The following RNF144A variants were observed in gnomAD, a reference collection of about 807,000 sequenced individuals.
RNF144A encodes ring finger protein 144A.
Under a neutral mutation model 38.7 loss-of-function variants are expected in RNF144A, and 11 were observed. That is an observed-to-expected ratio of 0.28 (90% CI 0.18 to 0.47). The LOEUF (loss-of-function observed/expected upper bound fraction) is 0.47, where lower values mean the gene tolerates loss of function less well. Among genes scored for constraint, RNF144A ranks in the 20% least tolerant of loss-of-function variants. The probability of loss-of-function intolerance (pLI) is 0.99; values close to 1 mark genes in which losing one functional copy is unlikely to be tolerated. For missense variants in RNF144A, 316 were observed against 377.2 expected (o/e 0.84, Z 1.34); for synonymous variants, 149 against 143.9 (o/e 1.04, Z -0.25).
chr2:7,030,386 G>T (rs34349013), intron 8 of RNF144A, among the ~76,000 whole-genome samples, 171 bp downstream of exon 8: 19,449 of 151,820 alleles, frequency 0.13, 1,989 homozygotes, highest in East Asian at 0.55. Context: ...TGTGCTTCCT[G>T]CTGGTTTTTG....
chr2:6,991,909 C>G (rs1020137704), intron 2 of RNF144A, among the ~76,000 whole-genome samples: 1 of 152,028 alleles, frequency 6.6e-6, no homozygotes, highest in South Asian at 2.1e-4. Flanking sequence ...TAGTTCCTAC[C>G]CTTGAATAAT....
Position 7,014,704 on chromosome 2 carries a change from T to C in RNF144A, c.241-8T>C, listed in dbSNP as rs767897477. The C allele has an allele frequency of 3.6e-5, 58 of 1,606,390 alleles. No individual in the cohort carries two copies. The highest frequency in any genetic ancestry group is 2.5e-4 in the East Asian group (11 of 44,832). ...TATCATTCCTGTTTGCATTTTTTTTTCCCTTAGATTGAGTGCATGGTTGCA... is the reference window on the plus strand; with the variant it reads ...TATCATTCCTGTTTGCATTTTTTTTCCCCTTAGATTGAGTGCATGGTTGCA... On this transcript the variant is annotated splice_polypyrimidine_tract_variant and splice_region_variant and intron_variant, in intron 4 of 8. Transcript: ENST00000320892.
rs1315226507 is a variant in RNF144A at position 6,938,229 on chromosome 2, T to TC, written c.-211-2714dup. ...TTGGCATGTTTCTGTTCCCCTCCCC[T>TC]CCCCCTCTCCCCTCCCCTCCCTTTT... On this transcript the variant is annotated intron_variant, in intron 1 of 8. Transcript: ENST00000320892. Among the ~76,000 whole-genome samples the TC allele has an allele frequency of 2.3e-3, 135 of 58,770 alleles. 2 individuals carry two copies. The highest frequency in any genetic ancestry group is 3.5e-3 in the Non-Finnish European group (94 of 26,982). 38.6% of individuals were successfully genotyped at this position (58,770 alleles called of 152,430 possible).
At chr2:6,998,995 C>A (rs1669934048) in intron 3 of RNF144A, among the ~76,000 whole-genome samples, 1 of 152,156 alleles carries the variant, frequency 6.6e-6, no homozygotes, top group Admixed American at 6.5e-5. Flanking sequence ...TTCTCCCTGG[C>A]TTTTTTGCTG....
In RNF144A at chr2:6,979,769, G is replaced by A. The variant is rs987177166; in HGVS notation, c.-11-17147G>A. ...ATTACCCAGGGACTTTGGGCAAATTGTGCATCCCTCTTAAACCTCAGTTCT... is the reference window on the plus strand; with the variant it reads ...ATTACCCAGGGACTTTGGGCAAATTATGCATCCCTCTTAAACCTCAGTTCT... On this transcript the variant is annotated intron_variant, in intron 2 of 8. Coordinates refer to ENST00000320892, the MANE Select transcript of RNF144A (RefSeq NM_014746.6). 1.3e-3 allele frequency among the ~76,000 whole-genome samples: 191 copies of A among 152,206 alleles called. 1 individual carries two copies. The highest frequency in any genetic ancestry group is 4.0e-4 in the Non-Finnish European group (27 of 68,040).
In RNF144A at chr2:6,941,594, A is replaced by G. The variant is rs188390778; in HGVS notation, c.-12+447A>G. On this transcript the variant is annotated intron_variant, in intron 2 of 8. Transcript: ENST00000320892. This position sits in a 1 kb window ranked among gnomAD's most constrained non-coding sequence, Gnocchi z 6.5. ...TGGGGGTAGGGACAGTCAGGAAGAG[A>G]CAGACAATTCTCATTTGACAGTAGC... Among the ~76,000 whole-genome samples, 182 of 152,350 alleles carry G rather than the reference A, an allele frequency of 1.2e-3. 4 individuals are homozygous for G. Among genetic ancestry groups the G allele is most frequent in the Admixed American group, 0.01 (158 of 15,306 alleles).
Position 7,042,769 on chromosome 2 carries a change from G to C in RNF144A, c.*3009G>C. ...GACTTAGGATCTGAGATAAAGCATCGGATTGCAGGAATAACTGTCCAAATT... is the reference window on the plus strand; with the variant it reads ...GACTTAGGATCTGAGATAAAGCATCCGATTGCAGGAATAACTGTCCAAATT... On this transcript the variant is annotated 3_prime_UTR_variant, in exon 9 of 9. Coordinates refer to ENST00000320892, the MANE Select transcript of RNF144A (RefSeq NM_014746.6). The C allele has an allele frequency of 1.0e-6, 1 of 985,454 alleles. No homozygotes were observed. The highest frequency in any genetic ancestry group is 1.2e-6 in the Non-Finnish European group (1 of 829,952). 61.0% of individuals were successfully genotyped at this position (985,454 alleles called of 1,614,324 possible).
chr2:6,972,699 C>T (rs898470767), intron 2 of RNF144A, among the ~76,000 whole-genome samples: 1 of 152,170 alleles, frequency 6.6e-6, no homozygotes, highest in African/African-American at 2.4e-5. Context: ...TTGTGTTCCA[C>T]CCTGGGGGTG....
chr2:6,932,813 C>G (rs1426664484), intron 1 of RNF144A, among the ~76,000 whole-genome samples: 1 of 152,194 alleles, frequency 6.6e-6, no homozygotes, highest in Non-Finnish European at 1.5e-5. Flanking sequence ...AATGAACCAA[C>G]AAGTTTGTTC....
At chr2:6,983,297 C>T (rs1668752567) in intron 2 of RNF144A, among the ~76,000 whole-genome samples, 1 of 152,186 alleles carries the variant, frequency 6.6e-6, no homozygotes, top group South Asian at 2.1e-4. Flanking sequence ...TGTGTGTGTG[C>T]CCTGGGCCCT....
At chr2:6,933,276 A>G (rs1402786916) in intron 1 of RNF144A, 1 of 152,164 alleles carries the variant, frequency 6.6e-6, no homozygotes, top group African/African-American at 2.4e-5. Flanking sequence ...TGTGATCACT[A>G]GTGGGCACAG....
chr2:6,962,294 T>C lies in RNF144A; in HGVS notation c.-12+21147T>C, dbSNP rs984927101. ...ACCATGTTGCCCTTTTATTTATTACTGTACACGTGGTAACAGAAAAGGGAA... is the reference window on the plus strand; with the variant it reads ...ACCATGTTGCCCTTTTATTTATTACCGTACACGTGGTAACAGAAAAGGGAA... On this transcript the variant is annotated intron_variant, in intron 2 of 8. Coordinates refer to ENST00000320892, the MANE Select transcript of RNF144A (RefSeq NM_014746.6). This position sits in a 1 kb window ranked among gnomAD's most constrained non-coding sequence, Gnocchi z 4.1. 6.6e-6 allele frequency among the ~76,000 whole-genome samples: 1 copy of C among 152,234 alleles called. No homozygotes were observed. The highest frequency in any genetic ancestry group is 1.5e-5 in the Non-Finnish European group (1 of 68,042).
intron 3 of RNF144A, among the ~76,000 whole-genome samples, chr2:7,011,414 A>G (rs1670792912): frequency 6.6e-6 from 1 of 152,230 alleles, no homozygotes; most frequent in Non-Finnish European, 1.5e-5. Flanking sequence ...AAAATGTACA[A>G]CAGACAAACA....
chr2:7,003,322 C>T (rs1358497180), intron 3 of RNF144A, among the ~76,000 whole-genome samples: 2 of 152,178 alleles, frequency 1.3e-5, no homozygotes, highest in Non-Finnish European at 2.9e-5. Context: ...TTCACATTCA[C>T]TCACCACTCA....
intron 1 of RNF144A, among the ~76,000 whole-genome samples, chr2:6,935,006 C>T (rs1665476235): frequency 6.6e-6 from 1 of 152,194 alleles, no homozygotes; most frequent in African/African-American, 2.4e-5. Context: ...GCTGTCTGTG[C>T]TTCTCATTGC....
intron 2 of RNF144A, among the ~76,000 whole-genome samples, chr2:6,946,776 G>T (rs1439770080): frequency 6.6e-6 from 1 of 152,030 alleles, no homozygotes; most frequent in Non-Finnish European, 1.5e-5. Context: ...CTTAAACAAA[G>T]TGCCTCTAAG....
Position 7,041,686 on chromosome 2 carries a change from C to T in RNF144A, c.*1926C>T, listed in dbSNP as rs1263727674. On this transcript the variant is annotated 3_prime_UTR_variant, in exon 9 of 9. Transcript: ENST00000320892. ...GTCCAGCCACTGCCCTTTAACATGCCCAGCACACATGGGAGGCCTGTGGCC... is the reference window on the plus strand; with the variant it reads ...GTCCAGCCACTGCCCTTTAACATGCTCAGCACACATGGGAGGCCTGTGGCC... 2 of 985,364 alleles carry T rather than the reference C, an allele frequency of 2.0e-6. No homozygotes were observed. Among genetic ancestry groups the T allele is most frequent in the Admixed American group, 1.2e-4 (2 of 16,262 alleles). 61.0% of individuals were successfully genotyped at this position (985,364 alleles called of 1,614,324 possible).
chr2:7,058,339 A>G (rs6748286), intron 6 of RNF144A, among the ~76,000 whole-genome samples: 12,360 of 85,408 alleles, frequency 0.14, 1,062 homozygotes, highest in East Asian at 0.49. Flanking sequence ...GGGGGAACTG[A>G]AAAAAAAAAA....
chr2:6,990,431 CACACAG>C (rs1322192522), intron 2 of RNF144A, among the ~76,000 whole-genome samples: 51 of 52,002 alleles, frequency 9.8e-4, no homozygotes, highest in South Asian at 2.4e-3. Context: ...CACACACACA[CACACAG>C]AGCTATATAT....
Sources: gnomAD v4.1 joint callset for allele counts (sites outside exome capture counted in the v4.1 genomes callset) on GRCh38, gnomAD v4.1.1 for gene constraint, Gnocchi (gnomAD v3.1) non-coding constraint, MANE v1.5 for transcripts, NCBI Gene and HGNC (gene_info 2026-07-23, HGNC 2026-07-21) for gene names.